Variants in CAPZB observed in about 807,000 individuals in gnomAD.
CAPZB encodes capping actin protein of muscle Z-line subunit beta.
A neutral mutation model predicts 38.1 loss-of-function variants in CAPZB; 2 were observed. The ratio of observed to expected loss-of-function variants is 0.05; its 90% confidence interval spans 0.02 to 0.17. The LOEUF (loss-of-function observed/expected upper bound fraction) is 0.17. CAPZB is among the 10% of genes least tolerant of loss of function. The pLI, the probability that CAPZB is intolerant of heterozygous loss-of-function variation, is 1.00. For synonymous variants in CAPZB, 107 were observed against 127.4 expected, an observed-to-expected ratio of 0.84 and a Z score of 1.08; for missense variants, 161 against 334.2, an observed-to-expected ratio of 0.48 and a Z score of 4.04.
chr1:19,342,806 G>A (rs2093937867), intron 8 of CAPZB: 3 of 1,612,272 alleles, frequency 1.9e-6, no homozygotes, highest in Non-Finnish European at 2.5e-6. Flanking sequence ...GTCAGCACTT[G>A]AGAGAGCTCC....
At chr1:19,401,388 G>C (rs889841495) in intron 2 of CAPZB, among the ~76,000 whole-genome samples, 3 of 152,140 alleles carry the variant, frequency 2.0e-5, no homozygotes, top group African/African-American at 7.2e-5. Flanking sequence ...CAAAGCCCAG[G>C]GAGCATCAGC....
chr1:19,340,384 G>A (rs1185377452), intron 8 of CAPZB, among the ~76,000 whole-genome samples: 1 of 152,246 alleles, frequency 6.6e-6, no homozygotes, highest in African/African-American at 2.4e-5. Flanking sequence ...TGGATTTGTG[G>A]GGAAACGTTC....
At chr1:19,432,097 T>C (rs945095599) in intron 1 of CAPZB, among the ~76,000 whole-genome samples, 8 of 151,636 alleles carry the variant, frequency 5.3e-5, no homozygotes, top group Non-Finnish European at 1.2e-4. Context: ...TTGACTCTTT[T>C]GAATAAAATT....
At chr1:19,419,599 A>T in intron 2 of CAPZB, 62 bp downstream of exon 2, 1 of 946,988 alleles carries the variant, frequency 1.1e-6, no homozygotes, top group Non-Finnish European at 1.7e-6. Flanking sequence ...GGAAAAAGCT[A>T]CACAAAAGCA....
At chr1:19,446,488 G>T (rs904391844) in intron 1 of CAPZB, among the ~76,000 whole-genome samples, 9 of 152,044 alleles carry the variant, frequency 5.9e-5, no homozygotes, top group African/African-American at 2.2e-4. Flanking sequence ...ACAAATGGGT[G>T]CAATTCTCTT....
intron 1 of CAPZB, among the ~76,000 whole-genome samples, chr1:19,447,946 C>T (rs973808006): frequency 6.6e-6 from 1 of 152,224 alleles, no homozygotes; most frequent in African/African-American, 2.4e-5. Flanking sequence ...CCTCACTCCC[C>T]TGCACTCTAA....
intron 2 of CAPZB, among the ~76,000 whole-genome samples, chr1:19,409,490 T>C (rs2094348185): frequency 6.6e-6 from 1 of 152,226 alleles, no homozygotes. Flanking sequence ...TTTCTTCCTC[T>C]GTGAATTGCC....
At chr1:19,341,508 AG>A (rs1368287128) in intron 8 of CAPZB, among the ~76,000 whole-genome samples, 1 of 152,200 alleles carries the variant, frequency 6.6e-6, no homozygotes, top group East Asian at 1.9e-4. Context: ...GGAAGGCGGA[AG>A]GAGCAGGGGG....
At chr1:19,479,503 C>G (rs10799817) in intron 1 of CAPZB, among the ~76,000 whole-genome samples, 84,388 of 152,052 alleles carry the variant, frequency 0.55, 24,160 homozygotes, top group Non-Finnish European at 0.63. Context: ...GATAAACTGT[C>G]CAATCAGAAC....
At chr1:19,457,388 CCAAA>C (rs2094536291) in intron 1 of CAPZB, among the ~76,000 whole-genome samples, 1 of 152,100 alleles carries the variant, frequency 6.6e-6, no homozygotes, top group Non-Finnish European at 1.5e-5. Context: ...CTTTAATTCC[CCAAA>C]CAATGGCGCA....
chr1:19,460,291 TTA>T (rs1415633613), intron 1 of CAPZB, among the ~76,000 whole-genome samples: 1 of 152,244 alleles, frequency 6.6e-6, no homozygotes, highest in East Asian at 1.9e-4. Context: ...GTTTGTTTTT[TTA>T]TGAGACGGAG....
intron 1 of CAPZB, among the ~76,000 whole-genome samples, chr1:19,444,161 GA>G (rs71008164): frequency 3.1e-4 from 46 of 148,940 alleles, no homozygotes; most frequent in African/African-American, 8.6e-4. Flanking sequence ...CCGTCTCAAG[GA>G]AAAAAAAAAA....
intron 2 of CAPZB, among the ~76,000 whole-genome samples, chr1:19,390,046 A>G (rs2094224646): frequency 6.6e-6 from 1 of 152,244 alleles, no homozygotes; most frequent in African/African-American, 2.4e-5. Context: ...GGATCAGTCA[A>G]TGCATGCTGA....
chr1:19,424,823 T>C (rs1471073132), intron 1 of CAPZB, among the ~76,000 whole-genome samples: 1 of 152,198 alleles, frequency 6.6e-6, no homozygotes, highest in East Asian at 1.9e-4. Context: ...AAGACCATCA[T>C]CCTGGATTTG....
At chr1:19,454,404 C>A (rs2094526584) in intron 1 of CAPZB, among the ~76,000 whole-genome samples, 1 of 152,150 alleles carries the variant, frequency 6.6e-6, no homozygotes, top group South Asian at 2.1e-4. Context: ...AAACTCTTTT[C>A]CAGAGAAAGT....
chr1:19,428,917 A>G (rs2094432984), intron 1 of CAPZB, among the ~76,000 whole-genome samples: 1 of 152,176 alleles, frequency 6.6e-6, no homozygotes, highest in African/African-American at 2.4e-5. Context: ...TTCAACGCCC[A>G]GCATCCCAGC....
chr1:19,389,358 A>G (rs2094219955), intron 2 of CAPZB, among the ~76,000 whole-genome samples: 1 of 152,194 alleles, frequency 6.6e-6, no homozygotes, highest in Admixed American at 6.5e-5. Context: ...AGGCCAGTTC[A>G]GTCTGAATTT....
At chr1:19,347,686 G>C (rs939358729) in intron 6 of CAPZB, among the ~76,000 whole-genome samples, 1 of 152,226 alleles carries the variant, frequency 6.6e-6, no homozygotes, top group Non-Finnish European at 1.5e-5. Context: ...ACAGTGTCAA[G>C]GGTTGAGATG....
rs1186105765 is a variant in CAPZB, at chr1:19,356,767, A to G, written c.472-16T>C. On this transcript the variant is annotated splice_polypyrimidine_tract_variant and intron_variant, in intron 5 of 8. Coordinates refer to ENST00000264202, the MANE Select transcript of CAPZB (RefSeq NM_004930.5). The surrounding 1 kb of genome is among the most constrained non-coding windows in gnomAD (Gnocchi z 4.3). Reference sequence around the variant, plus strand: ...TGGATTTCTCCTGGAAGGACAAGACAGAGATCTGTTGAGCTGAGGGAGAGC... The same window carrying G: ...TGGATTTCTCCTGGAAGGACAAGACGGAGATCTGTTGAGCTGAGGGAGAGC... The G allele has an allele frequency of 6.3e-7, 1 of 1,583,836 alleles. No homozygotes were observed.
Sources: allele counts gnomAD v4.1 joint callset (sites outside exome capture counted in the v4.1 genomes callset), GRCh38; gene constraint gnomAD v4.1.1; non-coding constraint Gnocchi (gnomAD v3.1); transcripts MANE v1.5; gene names NCBI Gene and HGNC (gene_info 2026-07-23, HGNC 2026-07-21).